Variants in SLC25A53 observed in about 807,000 individuals in gnomAD.
The protein encoded by SLC25A53 is mitochondrial carrier triple repeat protein 6.
Under a neutral mutation model 15.0 loss-of-function variants are expected in SLC25A53, and 5 were observed. The ratio of observed to expected loss-of-function variants is 0.33; its 90% CI spans 0.17 to 0.70. SLC25A53 has a LOEUF of 0.70. SLC25A53 is among the 30% of genes least tolerant of loss of function. SLC25A53 has a pLI of 0.67. For synonymous variants in SLC25A53, 95 were observed against 100.0 expected (o/e 0.95, Z 0.30); for missense variants, 216 against 241.6 (o/e 0.89, Z 0.70).
chrX:104,154,218 C>G lies in SLC25A53; in HGVS notation c.-32+2660G>C, dbSNP rs1029223544. Among the ~76,000 whole-genome samples the G allele has an allele frequency of 3.6e-5, 4 of 112,017 alleles. No homozygotes were observed. The Admixed American group carries it at 3.8e-4, about 11-fold the overall frequency. On this transcript the variant is annotated intron_variant, in intron 1 of 1. Coordinates refer to ENST00000594199, the MANE Select transcript of SLC25A53 (RefSeq NM_001012755.5). ...TTCTCAAATGAAGACACACAAATGG[C>G]CAACAGGCATAAGAAAAAATGCTCA...
intron 1 of SLC25A53, chrX:104,114,435 A>C (rs1556360471): frequency 8.3e-7 from 1 of 1,211,456 alleles, no homozygotes; most frequent in Admixed American, 2.2e-5. Context: ...ACCCCAACCT[A>C]AGTGTAGCAG....
chrX:104,138,889 G>A (rs2075443837), intron 1 of SLC25A53, among the ~76,000 whole-genome samples: 1 of 111,579 alleles, frequency 9.0e-6, no homozygotes, highest in African/African-American at 3.3e-5. Flanking sequence ...CTCCACTGAT[G>A]TGCTCCTCTC....
chrX:104,143,582 T>A (rs1328387987), intron 1 of SLC25A53, among the ~76,000 whole-genome samples: 1 of 111,673 alleles, frequency 9.0e-6, no homozygotes, highest in Admixed American at 9.5e-5. Flanking sequence ...GAACAAAGCC[T>A]CCAAGAAATA....
At chrX:104,133,888 C>T (rs2075431041) in intron 1 of SLC25A53, among the ~76,000 whole-genome samples, 1 of 112,104 alleles carries the variant, frequency 8.9e-6, no homozygotes, top group Non-Finnish European at 1.9e-5. Flanking sequence ...TCTGGCCACA[C>T]ATCTCCTAGC....
At position 104,115,392 on chromosome X, in the gene SLC25A53, G is replaced by C. The variant is rs781926336; in HGVS notation, c.-31-10104C>G. On this transcript the variant is annotated intron_variant, in intron 1 of 1. Coordinates refer to ENST00000594199, the MANE Select transcript of SLC25A53 (RefSeq NM_001012755.5). ...TCTGGTAATGGGAATAACAGGAGAGGGGGGTGGGTTTCTAACTGCATGAAT... is the reference window on the plus strand; with the variant it reads ...TCTGGTAATGGGAATAACAGGAGAGCGGGGTGGGTTTCTAACTGCATGAAT... 6.9e-6 allele frequency: 7 copies of C among 1,013,823 alleles called. No individual in the cohort carries two copies. In the African/African-American group the frequency reaches 9.7e-5, roughly 14 times the overall value. The allele number at this position is 1,013,823 out of a possible 1,213,427, so 83.6% of individuals were successfully genotyped here. A position where few individuals can be genotyped will look rare whatever the true frequency, so the allele number is the denominator to read the frequency against.
rs782564052 is a variant in SLC25A53 at position 104,137,572 on chromosome X, TCA to T, written c.-32+19304_-32+19305del. Among the ~76,000 whole-genome samples the T allele has an allele frequency of 4.5e-5, 5 of 111,225 alleles. No individual in the cohort carries two copies. The East Asian group carries it at 1.1e-3, about 25-fold the overall frequency. Reference sequence around the variant, plus strand: ...CAACGAGCCATTTGCCGACTAGGGGTCACACACATACTCTGAGTTCCCTGAAA... The same window carrying T: ...CAACGAGCCATTTGCCGACTAGGGGTCACACATACTCTGAGTTCCCTGAAA... On this transcript the variant is annotated intron_variant, in intron 1 of 1. Transcript: ENST00000594199.
At chrX:104,143,659 A>C (rs1556368028) in intron 1 of SLC25A53, among the ~76,000 whole-genome samples, 2 of 112,173 alleles carry the variant, frequency 1.8e-5, no homozygotes, top group African/African-American at 6.5e-5. Context: ...GGAGAATGGA[A>C]CGAAGTTGGA....
intron 1 of SLC25A53, among the ~76,000 whole-genome samples, chrX:104,146,660 T>C (rs1244310818): frequency 1.8e-5 from 2 of 110,522 alleles, no homozygotes; most frequent in African/African-American, 6.6e-5. Context: ...TATACACCAA[T>C]AACAGACAGA....
Position 104,104,879 on chromosome X carries a change from C to A in SLC25A53, c.379G>T (p.Val127Leu). ...AAGGGGCTGAGTGCCACGGCCTCCA[C>A]CACGCCAGACATGAGCCCGGCAGCC... The part of the protein sequence containing the change: ...RWAAGLMSGV[V>L]EAVALSPFER... The change falls in exon 2 of 2, where the codon GTG (valine) becomes TTG (leucine). Residue 127 changes from valine (V) to leucine (L), a missense_variant. Transcript: ENST00000594199. The A allele has an allele frequency of 8.3e-7, 1 of 1,212,069 alleles. No individual in the cohort carries two copies. Among genetic ancestry groups the A allele is most frequent in the Non-Finnish European group, 1.1e-6 (1 of 895,624 alleles).
chrX:104,127,799 A>C (rs1437497332), intron 1 of SLC25A53, among the ~76,000 whole-genome samples: 3 of 111,405 alleles, frequency 2.7e-5, no homozygotes, highest in African/African-American at 9.8e-5. Context: ...CCGAGTCTTT[A>C]CTAAAAATAC....
chrX:104,142,870 G>A (rs2075454808), intron 1 of SLC25A53, among the ~76,000 whole-genome samples: 1 of 102,331 alleles, frequency 9.8e-6, no homozygotes, highest in African/African-American at 3.6e-5. Context: ...ACGGTGAGCC[G>A]AGATTGCACC....
At chrX:104,114,184 ATG>A (rs1556360262) in intron 1 of SLC25A53, 1 of 1,209,601 alleles carries the variant, frequency 8.3e-7, no homozygotes, top group East Asian at 3.0e-5. Flanking sequence ...GGCCCATTCC[ATG>A]TTGAGGTCTC....
intron 1 of SLC25A53, among the ~76,000 whole-genome samples, chrX:104,139,411 C>T (rs1219899210): frequency 2.7e-5 from 3 of 110,866 alleles, no homozygotes; most frequent in African/African-American, 6.6e-5. Flanking sequence ...CAGCTACTTG[C>T]GAGGCTGAGG....
chrX:104,156,377 AG>A (rs2075501214), intron 1 of SLC25A53, among the ~76,000 whole-genome samples: 1 of 111,382 alleles, frequency 9.0e-6, no homozygotes, highest in Non-Finnish European at 1.9e-5. Context: ...GTAAATGTCG[AG>A]GAAAAAGCCT....
Position 104,104,751 on chromosome X carries a change from C to A in SLC25A53, c.507G>T (p.Arg169=), listed in dbSNP as rs1556354906. ...AACCACGATAGTAGCCCAGTGACAG[C>A]CGCCCCCAAAGCCCATAAGAATTGA... ...KEFNSYGLWG[R]LSLGYYRGFW... Residue 169 remains arginine (R), a synonymous_variant, in exon 2 of 2, where the codon CGG becomes CGT. Coordinates refer to ENST00000594199, the MANE Select transcript of SLC25A53 (RefSeq NM_001012755.5). The A allele has an allele frequency of 9.1e-6, 11 of 1,211,596 alleles. No homozygotes were observed. In the East Asian group the frequency reaches 2.7e-4, roughly 29 times the overall value.
In SLC25A53 at chrX:104,104,796, G is replaced by T. The variant is rs782011032; in HGVS notation, c.462C>A (p.Thr154=). 18 of 1,211,825 alleles carry T rather than the reference G, an allele frequency of 1.5e-5. No homozygotes were observed. In the East Asian group the frequency reaches 4.4e-4, roughly 30 times the overall value. Residue 154 remains threonine, a synonymous_variant, in exon 2 of 2, where the codon ACC becomes ACA. Coordinates refer to ENST00000594199, the MANE Select transcript of SLC25A53 (RefSeq NM_001012755.5). ...DGRKQARFPS[T]FSILKEFNSY... ...AATTGAATTCCTTGAGAATGCTGAAGGTGCTGGGGAAGCGAGCTTGCTTGC... is the reference window on the plus strand; with the variant it reads ...AATTGAATTCCTTGAGAATGCTGAATGTGCTGGGGAAGCGAGCTTGCTTGC...
At position 104,104,369 on chromosome X, in the gene SLC25A53, T is replaced by G. The variant is rs1556354466; in HGVS notation, c.889A>C (p.Lys297Gln). 1 of 1,211,068 alleles carries G rather than the reference T, an allele frequency of 8.3e-7. No homozygotes were observed. Among genetic ancestry groups the G allele is most frequent in the East Asian group, 3.0e-5 (1 of 33,815 alleles). The change falls in exon 2 of 2, where the codon AAG becomes CAG. Residue 297 changes from lysine (K) to glutamine (Q), a missense_variant. By Grantham distance (53) the Lys-to-Gln change is moderately conservative (BLOSUM62 1). Transcript: ENST00000594199. ...TTCAGCTCTTTCCTGGAGTGCGACT[T>G]CCTCTGCAGGAAGTCATGGATTGCC... ...TTAIHDFLQRKSHSRKELKTD is the reference protein window; with the variant it reads ...TTAIHDFLQRQSHSRKELKTD
intron 1 of SLC25A53, among the ~76,000 whole-genome samples, chrX:104,146,257 C>T (rs1006125692): frequency 1.6e-4 from 18 of 111,975 alleles, no homozygotes; most frequent in African/African-American, 4.9e-4. Flanking sequence ...ATTCAACAGC[C>T]CTTCATGCTA....
intron 1 of SLC25A53, among the ~76,000 whole-genome samples, chrX:104,136,857 C>T (rs1392348012): frequency 1.8e-5 from 2 of 111,745 alleles, no homozygotes; most frequent in African/African-American, 6.5e-5. Context: ...TTGTAAGTGT[C>T]GTACCTAGAA....
Sources: gnomAD v4.1 joint callset for allele counts (sites outside exome capture counted in the v4.1 genomes callset) on GRCh38, gnomAD v4.1.1 for gene constraint, MANE v1.5 for transcripts, NCBI Gene and HGNC (gene_info 2026-07-23, HGNC 2026-07-21) for gene names.